The following SSC5D variants were observed in gnomAD, a reference collection of about 807,000 sequenced individuals.
SSC5D encodes the protein soluble scavenger receptor cysteine-rich domain-containing protein SSC5D.
Under a neutral mutation model 104.6 loss-of-function variants are expected in SSC5D, and 106 were observed. The observed-to-expected ratio is 1.01, with a 90% CI of 0.87 to 1.19. The LOEUF (loss-of-function observed/expected upper bound fraction) is 1.19, where lower values mean the gene tolerates loss of function less well. Ranked by LOEUF, SSC5D falls within the 50% of genes most tolerant of loss-of-function variation. SSC5D has a pLI of 0.00. For missense variants in SSC5D, 1,993 were observed against 2,153.8 expected, an observed-to-expected ratio of 0.93 and a Z score of 1.48; for synonymous variants, 860 against 883.5, an observed-to-expected ratio of 0.97 and a Z score of 0.47.
intron 13 of SSC5D, among the ~76,000 whole-genome samples, chr19:55,514,451 TAATAA>T (rs1252488028): frequency 0.28 from 22,954 of 80,584 alleles, 2,883 homozygotes; most frequent in East Asian, 0.46. Context: ...ATAATAATAA[TAATAA>T]TAGGTGTGGT....
At position 55,500,933 on chromosome 19, in the gene SSC5D, C is replaced by A; in HGVS notation, c.2618-101C>A. 2 of 1,518,972 alleles carry A rather than the reference C, an allele frequency of 1.3e-6. No homozygotes were observed. The highest frequency in any genetic ancestry group is 2.5e-5 in the South Asian group (2 of 80,138). The allele number at this position is 1,518,972 out of a possible 1,614,324, so 94.1% of individuals were successfully genotyped here. A position where few individuals can be genotyped will look rare whatever the true frequency, so the allele number is the denominator to read the frequency against. ...GTATGAGGGGTCGGGGTGGGGAGATCCCAGAGTTGCTCCAGAAGATTCCAA... is the reference window on the plus strand; with the variant it reads ...GTATGAGGGGTCGGGGTGGGGAGATACCAGAGTTGCTCCAGAAGATTCCAA... On this transcript the variant is annotated intron_variant, in intron 11 of 13. Transcript: ENST00000389623. This position sits in a 1 kb window ranked among gnomAD's most constrained non-coding sequence, Gnocchi z 4.6.
At chr19:55,508,646 GA>G (rs1599926559) in intron 12 of SSC5D, among the ~76,000 whole-genome samples, 1 of 132,758 alleles carries the variant, frequency 7.5e-6, no homozygotes, top group East Asian at 2.2e-4. Context: ...ATGCAGCAGG[GA>G]TGGCCTCATC....
intron 5 of SSC5D, 60 bp from the exon 6 acceptor site, chr19:55,490,712 G>A: frequency 1.4e-6 from 2 of 1,433,204 alleles, no homozygotes; most frequent in South Asian, 1.5e-5. Context: ...GGAAATCGAG[G>A]AAGGGGTGTT....
chr19:55,493,957 CTTGGAG>C, intron 7 of SSC5D, 45 bp downstream of exon 7: 3 of 775,560 alleles, frequency 3.9e-6, no homozygotes, highest in Non-Finnish European at 3.1e-6. Flanking sequence ...CGTGGTGGTG[CTTGGAG>C]CGGAGGGGCA....
Position 55,490,380 on chromosome 19 carries a change from T to G in SSC5D, c.558T>G (p.Pro186=). The G allele has an allele frequency of 6.7e-7, 1 of 1,499,900 alleles. No homozygotes were observed. The highest frequency in any genetic ancestry group is 1.2e-5 in the South Asian group (1 of 81,476). 92.9% of individuals were successfully genotyped at this position (1,499,900 alleles called of 1,614,324 possible). The change falls in exon 5 of 14, where the codon CCT becomes CCG. Residue 186 remains proline (P), a synonymous_variant. Coordinates refer to ENST00000389623, the MANE Select transcript of SSC5D (RefSeq NM_001144950.2). ...RPKQAKSTRA[P]LLTTGAPRQE... is the part of the protein sequence containing the mutation. Reference sequence around the variant, plus strand: ...AGCAGGCCAAGTCCACCCGGGCCCCTCTGCTGACGACAGGAGCCCCCCGCC... The same window carrying G: ...AGCAGGCCAAGTCCACCCGGGCCCCGCTGCTGACGACAGGAGCCCCCCGCC...
chr19:55,494,840 C>A lies in SSC5D; in HGVS notation c.1387+57C>A, dbSNP rs532279159. 28 of 1,480,196 alleles carry A rather than the reference C, an allele frequency of 1.9e-5. No individual in the cohort carries two copies. The African/African-American group carries it at 3.4e-4, about 18-fold the overall frequency. The allele number at this position is 1,480,196 out of a possible 1,614,324, so 91.7% of individuals were successfully genotyped here. On this transcript the variant is annotated intron_variant, in intron 8 of 13. Coordinates refer to ENST00000389623, the MANE Select transcript of SSC5D (RefSeq NM_001144950.2). ...GGTCCTTCCTTCTGTTTCCTTCCCTCAGCTCTGAGACTGTCTCATGGGGGG... is the reference window on the plus strand; with the variant it reads ...GGTCCTTCCTTCTGTTTCCTTCCCTAAGCTCTGAGACTGTCTCATGGGGGG...
chr19:55,499,763 A>C, intron 9 of SSC5D, 53 bp from the exon 10 acceptor site: 44 of 1,420,584 alleles, frequency 3.1e-5, no homozygotes, highest in Middle Eastern at 1.8e-4. Flanking sequence ...TGGGTAGATG[A>C]TCTTGTCATC....
chr19:55,514,705 C>G (rs3976501), intron 13 of SSC5D, among the ~76,000 whole-genome samples: 2 of 151,788 alleles, frequency 1.3e-5, no homozygotes, highest in African/African-American at 2.4e-5. Context: ...GCCCATTTCT[C>G]AGATGAGTGA....
intron 13 of SSC5D, among the ~76,000 whole-genome samples, chr19:55,516,975 C>T (rs932671229): frequency 2.0e-5 from 3 of 152,088 alleles, no homozygotes; most frequent in Non-Finnish European, 2.9e-5. Flanking sequence ...AACCCGCGTG[C>T]CCCTCGGCAT....
chr19:55,494,515 G>C (rs1987254272), intron 7 of SSC5D, 95 bp from the exon 8 acceptor site: 3 of 1,335,766 alleles, frequency 2.2e-6, no homozygotes, highest in South Asian at 1.5e-5. Flanking sequence ...GCGTGCAGCT[G>C]AGAGGACTGA....
chr19:55,502,406 T>G (rs1478528664), intron 12 of SSC5D, among the ~76,000 whole-genome samples: 3 of 152,122 alleles, frequency 2.0e-5, no homozygotes, highest in Non-Finnish European at 4.4e-5. Context: ...TCTTTTTCCC[T>G]GTCTTTCTTT....
intron 7 of SSC5D, 75 bp downstream of exon 7, chr19:55,493,987 C>CGCG: frequency 4.8e-6 from 1 of 206,422 alleles, no homozygotes; most frequent in Non-Finnish European, 6.9e-6. Flanking sequence ...TCGGCGGGGG[C>CGCG]GGGGGGGTCC....
chr19:55,503,975 A>G lies in SSC5D; in HGVS notation c.2785+2774A>G. On this transcript the variant is annotated intron_variant, in intron 12 of 13. Coordinates refer to ENST00000389623, the MANE Select transcript of SSC5D (RefSeq NM_001144950.2). The surrounding 1 kb of genome is among the most constrained non-coding windows in gnomAD (Gnocchi z 4.0). ...AGCCGGCGCATCGCCCGCAGTAATAATAGCTGGGCGAAGGGCAACCAGGCC... is the reference window on the plus strand; with the variant it reads ...AGCCGGCGCATCGCCCGCAGTAATAGTAGCTGGGCGAAGGGCAACCAGGCC... 1.3e-6 allele frequency: 1 copy of G among 790,982 alleles called. No individual in the cohort carries two copies. The highest frequency in any genetic ancestry group is 2.8e-4 in the Middle Eastern group (1 of 3,546). The allele number at this position is 790,982 out of a possible 1,614,324, so 49.0% of individuals were successfully genotyped here.
At chr19:55,493,942 GTGGGCGTGGTGGTGCTTGGAGCGGA>G in intron 7 of SSC5D, 30 bp downstream of exon 7, 2 of 1,508,954 alleles carry the variant, frequency 1.3e-6, no homozygotes, top group South Asian at 2.4e-5. Context: ...GGACCGGGAG[GTGGGCGTGGTGGTGCTTGGAGCGGA>G]GGGGCAAGTT....
At chr19:55,512,125 G>T (rs962153192) in intron 12 of SSC5D, among the ~76,000 whole-genome samples, 1 of 151,102 alleles carries the variant, frequency 6.6e-6, no homozygotes, top group African/African-American at 2.4e-5. Flanking sequence ...ACTTGACCCC[G>T]GGAGGCAGAG....
At chr19:55,517,140 G>A (rs1205055999) in intron 13 of SSC5D, 84 bp from the exon 14 acceptor site, 8 of 1,282,436 alleles carry the variant, frequency 6.2e-6, no homozygotes, top group East Asian at 5.1e-5. Context: ...TCCATTGGTC[G>A]GCTCCTCGAG....
intron 12 of SSC5D, among the ~76,000 whole-genome samples, chr19:55,506,025 C>T (rs867268759): frequency 2.0e-5 from 3 of 151,868 alleles, no homozygotes; most frequent in Admixed American, 6.5e-5. Flanking sequence ...GCGTGAGCCA[C>T]GGCACCCAGC....
chr19:55,490,165 G>A (rs1987096137), intron 4 of SSC5D, 133 bp from the exon 5 acceptor site: 1 of 606,458 alleles, frequency 1.6e-6, no homozygotes, highest in Non-Finnish European at 3.0e-6. Flanking sequence ...CCCGCCCCCT[G>A]CCCCGCCCCG....
In SSC5D at chr19:55,500,771, G is replaced by A; in HGVS notation, c.2584G>A (p.Asp862Asn). 6.4e-7 allele frequency: 1 copy of A among 1,550,962 alleles called. No homozygotes were observed. The highest frequency in any genetic ancestry group is 8.7e-7 in the Non-Finnish European group (1 of 1,146,466). Residue 862 changes from aspartate to asparagine, a missense_variant, in exon 11 of 14, where the codon GAC becomes AAC. Around this residue, in one of 6 missense-constraint regions of SSC5D, gnomAD observed 423 missense variants for 409.2 expected, o/e 1.03. Coordinates refer to ENST00000389623, the MANE Select transcript of SSC5D (RefSeq NM_001144950.2). The surrounding 1 kb of genome is among the most constrained non-coding windows in gnomAD (Gnocchi z 4.6). ...PSGAWGKHNC[D>N]HEEDVGLTCT... ...GGGGGCTTGGGGGAAGCACAACTGT[G>A]ACCACGAGGAAGACGTGGGGCTCAC...
Sources: allele counts gnomAD v4.1 joint callset (sites outside exome capture counted in the v4.1 genomes callset), GRCh38; gene constraint gnomAD v4.1.1; regional missense constraint gnomAD v4.1.1; non-coding constraint Gnocchi (gnomAD v3.1); transcripts MANE v1.5; gene names NCBI Gene and HGNC (gene_info 2026-07-23, HGNC 2026-07-21).